Variants in STXBP5L observed in about 807,000 individuals in gnomAD.
STXBP5L encodes syntaxin binding protein 5L, also known as syntaxin-binding protein 5-like.
A neutral mutation model predicts 144.5 loss-of-function variants in STXBP5L; 65 were observed. That is an observed-to-expected ratio of 0.45 (90% CI 0.37 to 0.55). The LOEUF (loss-of-function observed/expected upper bound fraction) is 0.55. STXBP5L is among the 20% of genes least tolerant of loss of function. The pLI, the probability that STXBP5L is intolerant of heterozygous loss-of-function variation, is 0.00. For synonymous variants in STXBP5L, 505 were observed against 469.6 expected (o/e 1.08, Z -0.97); for missense variants, 1,298 against 1,405.5 (o/e 0.92, Z 1.22).
intron 15 of STXBP5L, 115 bp downstream of exon 15, chr3:121,250,878 GTGGC>G: frequency 1.2e-6 from 1 of 822,904 alleles, no homozygotes; most frequent in Non-Finnish European, 1.9e-6. Context: ...GCACACATAT[GTGGC>G]TGTGTTACAA....
At chr3:121,149,285 G>T (rs1451119829) in intron 7 of STXBP5L, among the ~76,000 whole-genome samples, 11 of 151,764 alleles carry the variant, frequency 7.2e-5, no homozygotes, top group Middle Eastern at 3.4e-3. Flanking sequence ...CCTAATAAAA[G>T]AAATGTATAA....
Position 121,402,743 on chromosome 3 carries a change from A to C in STXBP5L, c.2588-4500A>C, listed in dbSNP as rs1267315809. Among the ~76,000 whole-genome samples the C allele has an allele frequency of 3.9e-5, 6 of 151,984 alleles. No individual in the cohort carries two copies. In the East Asian group the frequency reaches 9.6e-4, roughly 24 times the overall value. The stretch of plus-strand genomic sequence containing the variant: ...TTATGCTGCTAGGTAATCATACTAT[A>C]TTTTCCTAGTCCTTGCCCCTGCACT... On this transcript the variant is annotated intron_variant, in intron 22 of 26. Transcript: ENST00000471454.
chr3:121,195,509 A>G (rs2047887381), intron 9 of STXBP5L, among the ~76,000 whole-genome samples: 1 of 152,180 alleles, frequency 6.6e-6, no homozygotes, highest in South Asian at 2.1e-4. Flanking sequence ...CATATGTGAG[A>G]TAATGCAATA....
At chr3:121,389,259 G>T (rs922993231) in intron 22 of STXBP5L, among the ~76,000 whole-genome samples, 1 of 151,972 alleles carries the variant, frequency 6.6e-6, no homozygotes, top group Non-Finnish European at 1.5e-5. Flanking sequence ...TTTTTATTGC[G>T]TCTACTTGAT....
rs560744051 is a variant in STXBP5L at position 120,942,510 on chromosome 3, T to C, written c.190-12430T>C. 1.5e-4 allele frequency among the ~76,000 whole-genome samples: 23 copies of C among 151,668 alleles called. No individual in the cohort carries two copies. In the South Asian group the frequency reaches 3.9e-3, roughly 26 times the overall value. Reference sequence around the variant, plus strand: ...TTATTCAATGTTACTGAATAAAACCTTTGTTTTGAGGCTTTTAACAAATTT... The same window carrying C: ...TTATTCAATGTTACTGAATAAAACCCTTGTTTTGAGGCTTTTAACAAATTT... On this transcript the variant is annotated intron_variant, in intron 2 of 26. Coordinates refer to ENST00000471454, the MANE Select transcript of STXBP5L (RefSeq NM_001308330.2).
rs115717748 is a variant in STXBP5L, at chr3:121,101,102, A to G, written c.471-13823A>G. ...TCCAAAATTAAATCAGTAGTGAAAAATCTGCCAAACAAAAAAAAAGCTCCA... is the reference window on the plus strand; with the variant it reads ...TCCAAAATTAAATCAGTAGTGAAAAGTCTGCCAAACAAAAAAAAAGCTCCA... On this transcript the variant is annotated intron_variant, in intron 5 of 26. Transcript: ENST00000471454. Among the ~76,000 whole-genome samples, 1,289 of 149,178 alleles carry G rather than the reference A, an allele frequency of 8.6e-3. 16 individuals carry two copies. The highest frequency in any genetic ancestry group is 0.031 in the African/African-American group (1,222 of 39,980).
chr3:121,371,966 G>A (rs1025807509), intron 20 of STXBP5L, among the ~76,000 whole-genome samples: 8 of 152,190 alleles, frequency 5.3e-5, no homozygotes, highest in South Asian at 2.1e-4. Context: ...GCATATTTAC[G>A]CTGGCAGGGA....
intron 3 of STXBP5L, among the ~76,000 whole-genome samples, chr3:120,970,776 G>T (rs552062220): frequency 5.6e-4 from 85 of 151,636 alleles, no homozygotes; most frequent in Non-Finnish European, 1.1e-3. Context: ...CTTTTTCTTC[G>T]TGTCTCCTGA....
chr3:121,096,934 T>C (rs7648612), intron 5 of STXBP5L, among the ~76,000 whole-genome samples: 77,267 of 151,654 alleles, frequency 0.51, 20,089 homozygotes, highest in Admixed American at 0.6. Context: ...TCTGCTGAAG[T>C]TGTGCCCACA....
At chr3:121,093,113 G>A (rs566303908) in intron 5 of STXBP5L, among the ~76,000 whole-genome samples, 2 of 152,302 alleles carry the variant, frequency 1.3e-5, no homozygotes, top group East Asian at 1.9e-4. Flanking sequence ...TGCATCCCAG[G>A]GATGAAGCCC....
At chr3:121,121,497 A>G (rs1006582069) in intron 6 of STXBP5L, 144 bp from the exon 7 acceptor site, 5 of 493,030 alleles carry the variant, frequency 1.0e-5, no homozygotes, top group Middle Eastern at 5.3e-4. Context: ...TGGTAAAGTA[A>G]ATAAAAAACT....
In STXBP5L at chr3:121,313,493, C is replaced by T. The variant is rs1323032819; in HGVS notation, c.2111-4982C>T. Among the ~76,000 whole-genome samples, 171 of 65,392 alleles carry T rather than the reference C, an allele frequency of 2.6e-3. 4 individuals are homozygous for T. The highest frequency in any genetic ancestry group is 4.7e-3 in the Admixed American group (31 of 6,630). The allele number at this position is 65,392 out of a possible 152,430, so 42.9% of individuals were successfully genotyped here. ...GGCGACTGGCCGGGCAGAGGGGCTC[C>T]TCACTTCCCAGTAGGGGCGGCCGGG... On this transcript the variant is annotated intron_variant, in intron 19 of 26. Transcript: ENST00000471454.
At chr3:120,980,663 A>G (rs1366231698) in intron 3 of STXBP5L, among the ~76,000 whole-genome samples, 1 of 152,074 alleles carries the variant, frequency 6.6e-6, no homozygotes, top group Non-Finnish European at 1.5e-5. Context: ...CATTCTGCCA[A>G]TCTATATCTT....
At chr3:121,200,632 C>T (rs900512916) in intron 9 of STXBP5L, among the ~76,000 whole-genome samples, 2 of 152,130 alleles carry the variant, frequency 1.3e-5, no homozygotes, top group Non-Finnish European at 2.9e-5. Context: ...ATAAATTCTG[C>T]TCTTAACACT....
At chr3:121,210,612 G>A (rs543913412) in intron 10 of STXBP5L, among the ~76,000 whole-genome samples, 10 of 152,260 alleles carry the variant, frequency 6.6e-5, no homozygotes, top group African/African-American at 2.4e-4. Flanking sequence ...TTTGTATAAG[G>A]TGTGAGTAAG....
intron 6 of STXBP5L, among the ~76,000 whole-genome samples, chr3:121,115,842 A>T (rs942345850): frequency 1.3e-4 from 20 of 152,024 alleles, no homozygotes; most frequent in Non-Finnish European, 1.9e-4. Context: ...AGGAGGAGTT[A>T]GGGGGAGGTG....
At position 121,407,226 on chromosome 3, in the gene STXBP5L, T is replaced by C. The variant is rs111674067; in HGVS notation, c.2588-17T>C. On this transcript the variant is annotated splice_polypyrimidine_tract_variant and intron_variant, in intron 22 of 26. Transcript: ENST00000471454. Reference sequence around the variant, plus strand: ...GAATGAATTTGACATGTCAGTGATGTCCAATTGTTTTTATAGGTACATTCC... The same window carrying C: ...GAATGAATTTGACATGTCAGTGATGCCCAATTGTTTTTATAGGTACATTCC... 5 of 1,533,100 alleles carry C rather than the reference T, an allele frequency of 3.3e-6. No individual in the cohort carries two copies. The highest frequency in any genetic ancestry group is 1.4e-5 in the African/African-American group (1 of 72,098). The allele number at this position is 1,533,100 out of a possible 1,614,324, so 95.0% of individuals were successfully genotyped here.
In STXBP5L at chr3:121,192,759, G is replaced by T. The variant is rs148812397; in HGVS notation, c.878-13164G>T. 2.6e-3 allele frequency among the ~76,000 whole-genome samples: 400 copies of T among 152,258 alleles called. 4 individuals are homozygous for T. Among genetic ancestry groups the T allele is most frequent in the African/African-American group, 9.0e-3 (374 of 41,550 alleles). Reference sequence around the variant, plus strand: ...TTTAATAAATGGTGCTGGGAAAACTGGCTAGCCATCTGTAGAGAGCTGAAA... The same window carrying T: ...TTTAATAAATGGTGCTGGGAAAACTTGCTAGCCATCTGTAGAGAGCTGAAA... On this transcript the variant is annotated intron_variant, in intron 9 of 26. Transcript: ENST00000471454.
At chr3:121,178,354 C>T (rs548322074) in intron 9 of STXBP5L, among the ~76,000 whole-genome samples, 8 of 152,220 alleles carry the variant, frequency 5.3e-5, no homozygotes, top group Non-Finnish European at 7.4e-5. Flanking sequence ...GCCATGTTTC[C>T]GTGTTCCAGT....
Sources: allele counts gnomAD v4.1 joint callset (sites outside exome capture counted in the v4.1 genomes callset), GRCh38; gene constraint gnomAD v4.1.1; transcripts MANE v1.5; gene names NCBI Gene and HGNC (gene_info 2026-07-23, HGNC 2026-07-21).